Variants in WEE1 observed in about 807,000 individuals in gnomAD.
WEE1 encodes wee1-like protein kinase.
In WEE1, 16 loss-of-function variants were observed where a neutral mutation model predicts 68.8. That is an observed-to-expected ratio of 0.23 (90% CI 0.16 to 0.35). WEE1 has a LOEUF of 0.35. Ranked by LOEUF, WEE1 falls within the 10% of genes least tolerant of loss-of-function variation. The pLI, the probability that WEE1 is intolerant of heterozygous loss-of-function variation, is 1.00. For missense variants in WEE1, 651 were observed against 824.1 expected, an observed-to-expected ratio of 0.79 and a Z score of 2.57; for synonymous variants, 349 against 318.7, an observed-to-expected ratio of 1.09 and a Z score of -1.01.
rs1338162478 is a variant in WEE1, at chr11:9,574,527, G to GGGCACCC, written c.576+22_576+28dup. 4 of 1,204,340 alleles carry GGGCACCC rather than the reference G, an allele frequency of 3.3e-6. No individual in the cohort carries two copies. In the African/African-American group the frequency reaches 6.4e-5, roughly 19 times the overall value. The allele number at this position is 1,204,340 out of a possible 1,614,324, so 74.6% of individuals were successfully genotyped here. ...CGCCCAAGGTGAGAGCGGCGGGCGC[G>GGGCACCC]GGCACCCGGCGGCCGGGGCCGCGGC... On this transcript the variant is annotated intron_variant, in intron 1 of 10. Transcript: ENST00000450114. This position sits in a 1 kb window ranked among gnomAD's most constrained non-coding sequence, Gnocchi z 4.9.
chr11:9,579,594 T>G (rs1223362181), intron 5 of WEE1: 1 of 152,198 alleles, frequency 6.6e-6, no homozygotes, highest in Non-Finnish European at 1.5e-5. Context: ...TCACCTTTCT[T>G]GCCCTTCTAG....
rs573508991 is a variant in WEE1, at chr11:9,576,287, T to C, written c.840T>C (p.Pro280=). The C allele has an allele frequency of 5.2e-6, 8 of 1,526,492 alleles. No homozygotes were observed. The African/African-American group carries it at 5.5e-5, about 11-fold the overall frequency. The allele number at this position is 1,526,492 out of a possible 1,614,324, so 94.6% of individuals were successfully genotyped here. A position where few individuals can be genotyped will look rare whatever the true frequency, so the allele number is the denominator to read the frequency against. ...ATGAGCTTGAAGATGAAACAAGACCTGCTAAGGTAAATAGCTTTTTATTTT... is the reference window on the plus strand; with the variant it reads ...ATGAGCTTGAAGATGAAACAAGACCCGCTAAGGTAAATAGCTTTTTATTTT... The part of the protein sequence containing the change: ...SDYELEDETR[P]AKRITITESN... Residue 280 remains proline, a synonymous_variant, in exon 3 of 11, where the codon CCT becomes CCC. Coordinates refer to ENST00000450114, the MANE Select transcript of WEE1 (RefSeq NM_003390.4). The surrounding 1 kb of genome is among the most constrained non-coding windows in gnomAD (Gnocchi z 4.3).
At chr11:9,575,572 T>G (rs1849556924) in intron 1 of WEE1, 1 of 344,572 alleles carries the variant, frequency 2.9e-6, no homozygotes, top group African/African-American at 2.2e-5. Flanking sequence ...CGGACTGCTT[T>G]CTATTTTTGG....
intron 6 of WEE1, 53 bp from the exon 7 acceptor site, chr11:9,585,205 G>A: frequency 7.4e-7 from 1 of 1,352,298 alleles, no homozygotes; most frequent in South Asian, 1.2e-5. Context: ...TCTTGTTTAT[G>A]AACTCTGGTT....
Position 9,589,599 on chromosome 11 carries a change from GATTAGCCATTTGACTA to G in WEE1, c.*1000_*1015del. ...TTTTCACAAAATATATTTTATCTGT[GATTAGCCATTTGACTA>G]ATAATACTGGCTAACAGATGTTGAA... On this transcript the variant is annotated 3_prime_UTR_variant, in exon 11 of 11. Coordinates refer to ENST00000450114, the MANE Select transcript of WEE1 (RefSeq NM_003390.4). 1 of 985,668 alleles carries G rather than the reference GATTAGCCATTTGACTA, an allele frequency of 1.0e-6. No individual in the cohort carries two copies. Among genetic ancestry groups the G allele is most frequent in the Non-Finnish European group, 1.2e-6 (1 of 829,852 alleles). 61.1% of individuals were successfully genotyped at this position (985,668 alleles called of 1,614,324 possible).
In WEE1 at chr11:9,573,754, C is replaced by T. The variant is rs1398056440; in HGVS notation, c.-180C>T. The T allele has an allele frequency of 5.9e-5, 18 of 306,544 alleles. No individual in the cohort carries two copies. Among genetic ancestry groups the T allele is most frequent in the Middle Eastern group, 2.4e-3 (2 of 828 alleles). The allele number at this position is 306,544 out of a possible 1,614,324, so 19.0% of individuals were successfully genotyped here. A position where few individuals can be genotyped will look rare whatever the true frequency, so the allele number is the denominator to read the frequency against. ...GCCTCTGCCGGAAAGTCCGCGCCGC[C>T]GCTGCCGCCACCGTCCGCAGCCCGA... is the stretch of plus-strand genomic sequence containing the variant. On this transcript the variant is annotated 5_prime_UTR_variant, in exon 1 of 11. Transcript: ENST00000450114.
chr11:9,578,552 C>T (rs967250102), intron 5 of WEE1: 10 of 152,188 alleles, frequency 6.6e-5, no homozygotes, highest in African/African-American at 1.9e-4. Flanking sequence ...CTTCATTTTT[C>T]AGGTATTGCA....
In WEE1 at chr11:9,576,245, C is replaced by T; in HGVS notation, c.798C>T (p.Asp266=). The T allele has an allele frequency of 6.6e-7, 1 of 1,516,666 alleles. No homozygotes were observed. Among genetic ancestry groups the T allele is most frequent in the Non-Finnish European group, 9.0e-7 (1 of 1,114,682 alleles). The allele number at this position is 1,516,666 out of a possible 1,614,324, so 94.0% of individuals were successfully genotyped here. A position where few individuals can be genotyped will look rare whatever the true frequency, so the allele number is the denominator to read the frequency against. ...RTYWNDSCGE[D]MEASDYELED... ...TTTTTTTTAGTTCCTGTGGTGAAGA[C>T]ATGGAAGCCAGTGATTATGAGCTTG... The change falls in exon 3 of 11, where the codon GAC becomes GAT. Residue 266 remains aspartate (D), a synonymous_variant. Coordinates refer to ENST00000450114, the MANE Select transcript of WEE1 (RefSeq NM_003390.4). This position sits in a 1 kb window ranked among gnomAD's most constrained non-coding sequence, Gnocchi z 4.3.
In WEE1 at chr11:9,576,566, A is replaced by G; in HGVS notation, c.926A>G (p.Glu309Gly). ...GAGCTAGAGAAAATCGGCTCTGGAG[A>G]ATTTGGTTCTGTATTTAAGTGTGTG... Reference protein sequence around the residue: ...FHELEKIGSGEFGSVFKCVKR... With the variant: ...FHELEKIGSGGFGSVFKCVKR... Residue 309 changes from glutamate (E) to glycine (G), a missense_variant, in exon 4 of 11, where the codon GAA (glutamate) becomes GGA (glycine). Transcript: ENST00000450114. This position sits in a 1 kb window ranked among gnomAD's most constrained non-coding sequence, Gnocchi z 4.3. 6.2e-7 allele frequency: 1 copy of G among 1,614,008 alleles called. No individual in the cohort carries two copies. Among genetic ancestry groups the G allele is most frequent in the Non-Finnish European group, 8.5e-7 (1 of 1,179,956 alleles).
At chr11:9,585,062 C>CA (rs573320153) in intron 6 of WEE1, 196 bp from the exon 7 acceptor site, 2,513 of 524,770 alleles carry the variant, frequency 4.8e-3, no homozygotes, top group East Asian at 5.5e-3. Context: ...CACACTGTCT[C>CA]AAAAAAAAAC....
chr11:9,583,798 CACACAT>C (rs1197548844), intron 6 of WEE1, among the ~76,000 whole-genome samples: 53 of 22,184 alleles, frequency 2.4e-3, no homozygotes, highest in African/African-American at 4.2e-3. Flanking sequence ...CACACACACA[CACACAT>C]ATATATATAT....
At chr11:9,586,906 C>T in intron 10 of WEE1, 50 bp downstream of exon 10, 1 of 1,537,206 alleles carries the variant, frequency 6.5e-7, no homozygotes, top group Non-Finnish European at 8.8e-7. Context: ...CACTTTAATT[C>T]TCAAATTTTA....
chr11:9,584,346 A>G (rs532824531), intron 6 of WEE1, among the ~76,000 whole-genome samples: 2 of 151,984 alleles, frequency 1.3e-5, no homozygotes, highest in African/African-American at 4.8e-5. Flanking sequence ...GGGTCTCACT[A>G]TCTTGCCCAG....
At chr11:9,587,449 T>G (rs1022332544) in intron 10 of WEE1, among the ~76,000 whole-genome samples, 4 of 152,234 alleles carry the variant, frequency 2.6e-5, no homozygotes, top group Admixed American at 1.3e-4. Flanking sequence ...TAAGCGAGCC[T>G]ATACCAATCT....
intron 6 of WEE1, among the ~76,000 whole-genome samples, chr11:9,584,568 A>C (rs917005256): frequency 6.6e-5 from 10 of 152,238 alleles, no homozygotes; most frequent in Admixed American, 5.9e-4. Context: ...TGAATCACAA[A>C]GCCATATTGC....
chr11:9,576,085 T>C lies in WEE1; in HGVS notation c.774T>C (p.Tyr258=), dbSNP rs1205921650. ...AGTGTCGTCGTAGAAAGAGAACGTA[T>C]TGGAATGAGTAAGTCGTTTATTTAA... ...SGQCRRRKRT[Y]WNDSCGEDME... is the part of the protein sequence containing the mutation. The change falls in exon 2 of 11, where the codon TAT becomes TAC. Residue 258 remains tyrosine (Y), a synonymous_variant. Transcript: ENST00000450114. The surrounding 1 kb of genome is among the most constrained non-coding windows in gnomAD (Gnocchi z 4.3). The C allele has an allele frequency of 5.6e-6, 9 of 1,614,016 alleles. No individual in the cohort carries two copies. Among genetic ancestry groups the C allele is most frequent in the African/African-American group, 2.7e-5 (2 of 74,946 alleles).
At chr11:9,579,761 C>G (rs916477563) in intron 5 of WEE1, 2 of 152,194 alleles carry the variant, frequency 1.3e-5, no homozygotes, top group African/African-American at 4.8e-5. Context: ...TCCCCTCCCT[C>G]AGTTCAAGAT....
At chr11:9,577,670 CACT>C in intron 5 of WEE1, 1 of 327,612 alleles carries the variant, frequency 3.1e-6, no homozygotes, top group South Asian at 2.5e-5. Context: ...GTTTGTTAGT[CACT>C]GAGTCTCTGT....
At position 9,576,438 on chromosome 11, in the gene WEE1, C is replaced by T. The variant is rs549874198; in HGVS notation, c.847-49C>T. On this transcript the variant is annotated intron_variant, in intron 3 of 10. Transcript: ENST00000450114. This position sits in a 1 kb window ranked among gnomAD's most constrained non-coding sequence, Gnocchi z 4.3. ...GCCCTATCACCATAGCAAGAAATAACTGTTTTCGTATATTTGTATTACATA... is the reference window on the plus strand; with the variant it reads ...GCCCTATCACCATAGCAAGAAATAATTGTTTTCGTATATTTGTATTACATA... 2 of 1,583,820 alleles carry T rather than the reference C, an allele frequency of 1.3e-6. No individual in the cohort carries two copies. Among genetic ancestry groups the T allele is most frequent in the Non-Finnish European group, 1.7e-6 (2 of 1,164,788 alleles).
Sources: allele counts gnomAD v4.1 joint callset (sites outside exome capture counted in the v4.1 genomes callset), GRCh38; gene constraint gnomAD v4.1.1; non-coding constraint Gnocchi (gnomAD v3.1); transcripts MANE v1.5; gene names NCBI Gene and HGNC (gene_info 2026-07-23, HGNC 2026-07-21).